PGM2L1: variants seen among roughly 807,000 people sequenced by gnomAD.
The protein encoded by PGM2L1 is glucose 1,6-bisphosphate synthase.
Under a neutral mutation model 73.4 loss-of-function variants are expected in PGM2L1, and 35 were observed. That is an observed-to-expected ratio of 0.48 (90% confidence interval 0.36 to 0.63). The LOEUF is 0.63. PGM2L1 is among the 30% of genes least tolerant of loss of function. The probability of loss-of-function intolerance (pLI) is 0.00; values close to 1 mark genes in which losing one functional copy is unlikely to be tolerated. For synonymous variants in PGM2L1, 225 were observed against 253.8 expected (o/e 0.89, Z 1.08); for missense variants, 570 against 742.0 (o/e 0.77, Z 2.69).
At chr11:74,371,888 T>C (rs976113678) in intron 2 of PGM2L1, 71 bp from the exon 3 acceptor site, 17 of 1,335,484 alleles carry the variant, frequency 1.3e-5, no homozygotes, top group Non-Finnish European at 1.7e-5. Flanking sequence ...AATCTCTTAT[T>C]TTTATGTTTG....
rs933856366 is a variant in PGM2L1, at chr11:74,338,713, A to G, written c.1633-112T>C. On this transcript the variant is annotated intron_variant, in intron 12 of 13. Coordinates refer to ENST00000298198, the MANE Select transcript of PGM2L1 (RefSeq NM_173582.6). Reference sequence around the variant, plus strand: ...TTATATGAGGTATCTAAAGTCGTCAAATTTACAGAAATAGAAATTAGAATG... The same window carrying G: ...TTATATGAGGTATCTAAAGTCGTCAGATTTACAGAAATAGAAATTAGAATG... 6 of 1,278,952 alleles carry G rather than the reference A, an allele frequency of 4.7e-6. No individual in the cohort carries two copies. The African/African-American group carries it at 5.9e-5, about 12-fold the overall frequency. The allele number at this position is 1,278,952 out of a possible 1,614,324, so 79.2% of individuals were successfully genotyped here.
Position 74,333,455 on chromosome 11 carries a change from T to C in PGM2L1, c.*3197A>G, listed in dbSNP as rs1047133379. 6.6e-6 allele frequency: 1 copy of C among 152,232 alleles called. No homozygotes were observed. Among genetic ancestry groups the C allele is most frequent in the Non-Finnish European group, 1.5e-5 (1 of 68,036 alleles). The allele number at this position is 152,232 out of a possible 1,614,324, so 9.4% of individuals were successfully genotyped here. A position where few individuals can be genotyped will look rare whatever the true frequency, so the allele number is the denominator to read the frequency against. ...TCAAACAATCTTTATTCCTTGAACTTTTTCTCAGAAGTCTTATTTTCTAAT... is the reference window on the plus strand; with the variant it reads ...TCAAACAATCTTTATTCCTTGAACTCTTTCTCAGAAGTCTTATTTTCTAAT... On this transcript the variant is annotated 3_prime_UTR_variant, in exon 14 of 14. Coordinates refer to ENST00000298198, the MANE Select transcript of PGM2L1 (RefSeq NM_173582.6).
chr11:74,358,354 TCAGGGAAACGCAAATATCTTATAAATA>T (rs1403507924), intron 5 of PGM2L1, among the ~76,000 whole-genome samples: 1 of 152,172 alleles, frequency 6.6e-6, no homozygotes, highest in African/African-American at 2.4e-5. Flanking sequence ...AACAGACTTC[TCAGGGAAACGCAAATATCTTATAAATA>T]CATGAAAAGA....
At position 74,351,563 on chromosome 11, in the gene PGM2L1, G is replaced by A; in HGVS notation, c.569C>T (p.Thr190Ile). ...ATGAGGAGATGTGATCTGAGCACCA[G>A]TTTCCCAGTAAACCTAGATGATAAG... ...EDNGYKVYWE[T>I]GAQITSPHDK... is the part of the protein sequence containing the mutation. Residue 190 changes from threonine to isoleucine, a missense_variant, in exon 6 of 14, where the codon ACT becomes ATT. Transcript: ENST00000298198. The A allele has an allele frequency of 6.2e-7, 1 of 1,601,030 alleles. No homozygotes were observed. The highest frequency in any genetic ancestry group is 8.5e-7 in the Non-Finnish European group (1 of 1,175,238).
rs148205729 is a variant in PGM2L1 at position 74,382,848 on chromosome 11, G to C, written c.112-8266C>G. Among the ~76,000 whole-genome samples the C allele has an allele frequency of 1.4e-4, 21 of 152,266 alleles. No individual in the cohort carries two copies. In the East Asian group the frequency reaches 3.7e-3, roughly 27 times the overall value. ...ACAAAAGTCCACCCAGGTTCCAGCA[G>C]AGGGAACACAGATCCCACCTTTCAA... On this transcript the variant is annotated intron_variant, in intron 1 of 13. Coordinates refer to ENST00000298198, the MANE Select transcript of PGM2L1 (RefSeq NM_173582.6).
chr11:74,374,386 G>C (rs1862825429), intron 2 of PGM2L1, 29 bp downstream of exon 2: 1 of 1,524,292 alleles, frequency 6.6e-7, no homozygotes, highest in Middle Eastern at 1.8e-4. Context: ...CCAGTCAAAA[G>C]TACACTCTTA....
chr11:74,393,757 G>T (rs1261017882), intron 1 of PGM2L1, among the ~76,000 whole-genome samples: 1 of 152,162 alleles, frequency 6.6e-6, no homozygotes, highest in African/African-American at 2.4e-5. Context: ...CTTTGTGACA[G>T]CTGCTATAGC....
chr11:74,396,095 A>G (rs1368904268), intron 1 of PGM2L1, among the ~76,000 whole-genome samples: 2 of 151,748 alleles, frequency 1.3e-5, no homozygotes, highest in Non-Finnish European at 2.9e-5. Flanking sequence ...CTAAAAAAAA[A>G]AAAATTTTTT....
chr11:74,383,159 A>T (rs1359286479), intron 1 of PGM2L1, among the ~76,000 whole-genome samples: 1 of 152,218 alleles, frequency 6.6e-6, no homozygotes, highest in African/African-American at 2.4e-5. Flanking sequence ...AGCAAGCCAC[A>T]TGTTAATAGA....
intron 4 of PGM2L1, among the ~76,000 whole-genome samples, chr11:74,370,236 T>C (rs1197486384): frequency 6.6e-6 from 1 of 152,128 alleles, no homozygotes; most frequent in African/African-American, 2.4e-5. Context: ...CATGGAACAG[T>C]CATAATTTTT....
chr11:74,375,613 A>G (rs1243065489), intron 1 of PGM2L1, among the ~76,000 whole-genome samples: 1 of 152,194 alleles, frequency 6.6e-6, no homozygotes, highest in Non-Finnish European at 1.5e-5. Flanking sequence ...ATATTACAGT[A>G]TATTTGTCCT....
intron 1 of PGM2L1, among the ~76,000 whole-genome samples, chr11:74,380,996 A>T (rs573650570): frequency 6.6e-6 from 1 of 152,274 alleles, no homozygotes; most frequent in South Asian, 2.1e-4. Context: ...ATCCTGAACA[A>T]GTCACTTCAC....
chr11:74,359,997 A>T (rs1273774540), intron 5 of PGM2L1, among the ~76,000 whole-genome samples: 1 of 152,140 alleles, frequency 6.6e-6, no homozygotes, highest in Admixed American at 6.5e-5. Context: ...TGGGGGTGAG[A>T]AGGGTCAAAT....
chr11:74,374,532 G>A lies in PGM2L1; in HGVS notation c.162C>T (p.Asn54=), dbSNP rs762797933. 1.2e-5 allele frequency: 20 copies of A among 1,614,014 alleles called. No individual in the cohort carries two copies. The highest frequency in any genetic ancestry group is 1.6e-4 in the Middle Eastern group (1 of 6,084). The part of the protein sequence containing the change: ...QIENLLRNGM[N]KELRDRLCCR... ...AACAAAGACGATCTCGCAGCTCCTT[G>A]TTCATCCCATTCCGTAACAGGTTTT... The change falls in exon 2 of 14, where the codon AAC becomes AAT. Residue 54 remains asparagine, a synonymous_variant. Transcript: ENST00000298198.
In PGM2L1 at chr11:74,357,327, T is replaced by C. The variant is rs188003498; in HGVS notation, c.556-5751A>G. Among the ~76,000 whole-genome samples the C allele has an allele frequency of 2.0e-5, 3 of 152,176 alleles. No individual in the cohort carries two copies. The East Asian group carries it at 5.8e-4, about 29-fold the overall frequency. On this transcript the variant is annotated intron_variant, in intron 5 of 13. Transcript: ENST00000298198. ...AGATGTATCTGAAAAAGGACTGTTA[T>C]CCAAAATATATAAAGAATTCTTAAA...
At chr11:74,345,260 A>AAT (rs1565435385) in intron 9 of PGM2L1, among the ~76,000 whole-genome samples, 1 of 152,330 alleles carries the variant, frequency 6.6e-6, no homozygotes, top group South Asian at 2.1e-4. Flanking sequence ...AGAATATCTC[A>AAT]TCTTAGTCCC....
rs1205540139 is a variant in PGM2L1 at position 74,336,717 on chromosome 11, T to C, written c.1804A>G (p.Ile602Val). 6.2e-7 allele frequency: 1 copy of C among 1,612,832 alleles called. No individual in the cohort carries two copies. Among genetic ancestry groups the C allele is most frequent in the African/African-American group, 1.3e-5 (1 of 75,000 alleles). Reference protein sequence around the residue: ...ALLEEELKKLIDALIENFLQP... With the variant: ...ALLEEELKKLVDALIENFLQP... ...AGAAAATTCTCTATCAGAGCATCAATGAGTTTCTTCAGTTCTTCCTCCAGT... is the reference window on the plus strand; with the variant it reads ...AGAAAATTCTCTATCAGAGCATCAACGAGTTTCTTCAGTTCTTCCTCCAGT... The change falls in exon 14 of 14, where the codon ATT (isoleucine) becomes GTT (valine). Residue 602 changes from isoleucine to valine, a missense_variant. Coordinates refer to ENST00000298198, the MANE Select transcript of PGM2L1 (RefSeq NM_173582.6).
chr11:74,368,675 T>A, intron 4 of PGM2L1, 100 bp from the exon 5 acceptor site: 1 of 895,234 alleles, frequency 1.1e-6, no homozygotes, highest in Non-Finnish European at 1.8e-6. Flanking sequence ...AGCATTATAG[T>A]ATGATATTGC....
chr11:74,363,950 A>G (rs1035740285), intron 5 of PGM2L1, among the ~76,000 whole-genome samples: 15 of 152,368 alleles, frequency 9.8e-5, no homozygotes, highest in Admixed American at 4.6e-4. Flanking sequence ...ATAAACATCA[A>G]TGCAAAAATC....
Sources: gnomAD v4.1 joint callset for allele counts (sites outside exome capture counted in the v4.1 genomes callset) on GRCh38, gnomAD v4.1.1 for gene constraint, MANE v1.5 for transcripts, NCBI Gene and HGNC (gene_info 2026-07-23, HGNC 2026-07-21) for gene names.